The following MEI4 variants were observed in gnomAD, a reference collection of about 807,000 sequenced individuals.
MEI4 encodes the protein meiosis-specific protein MEI4.
Under a neutral mutation model 31.4 loss-of-function variants are expected in MEI4, and 27 were observed. The observed-to-expected ratio is 0.86, with a 90% CI of 0.63 to 1.19. The LOEUF (loss-of-function observed/expected upper bound fraction) is 1.19, where lower values mean the gene tolerates loss of function less well. Among genes scored for constraint, MEI4 ranks in the 50% most tolerant of loss-of-function variants. The pLI is 0.00. For synonymous variants in MEI4, 122 were observed against 145.4 expected, an observed-to-expected ratio of 0.84 and a Z score of 1.16; for missense variants, 329 against 398.9, an observed-to-expected ratio of 0.82 and a Z score of 1.49.
chr6:77,865,799 C>A (rs1452639522), intron 4 of MEI4, among the ~76,000 whole-genome samples: 3 of 151,996 alleles, frequency 2.0e-5, no homozygotes, highest in African/African-American at 7.2e-5. Flanking sequence ...TAGACCAATA[C>A]CCCTGATGAA....
intron 4 of MEI4, among the ~76,000 whole-genome samples, chr6:77,888,653 T>C (rs1009767566): frequency 6.6e-6 from 1 of 152,172 alleles, no homozygotes; most frequent in African/African-American, 2.4e-5. Flanking sequence ...TTTGAATATA[T>C]TATCCCATTC....
At chr6:77,679,886 A>T (rs890106022) in intron 1 of MEI4, among the ~76,000 whole-genome samples, 1 of 151,000 alleles carries the variant, frequency 6.6e-6, no homozygotes, top group South Asian at 2.1e-4. Context: ...GATTACAGGT[A>T]TGCGCCACCA....
At chr6:77,716,990 G>C (rs1766597129) in intron 2 of MEI4, 1 of 205,630 alleles carries the variant, frequency 4.9e-6, no homozygotes, top group African/African-American at 2.4e-5. Flanking sequence ...TTTCTCGTAA[G>C]GTGGGACGAG....
At chr6:77,689,163 T>C (rs1055471571) in intron 1 of MEI4, among the ~76,000 whole-genome samples, 5 of 152,006 alleles carry the variant, frequency 3.3e-5, no homozygotes, top group Non-Finnish European at 7.4e-5. Flanking sequence ...AGTTATACTT[T>C]CTATTTACTT....
chr6:77,885,045 A>G (rs191378454), intron 4 of MEI4, among the ~76,000 whole-genome samples: 1 of 151,694 alleles, frequency 6.6e-6, no homozygotes, highest in Non-Finnish European at 1.5e-5. Flanking sequence ...GAAGTTTGTA[A>G]TTTTCCTTAC....
chr6:77,762,833 A>G (rs1204181757), intron 3 of MEI4, among the ~76,000 whole-genome samples: 1 of 152,204 alleles, frequency 6.6e-6, no homozygotes, highest in Non-Finnish European at 1.5e-5. Flanking sequence ...TCTTTTGGAC[A>G]TGGTCAATCA....
intron 4 of MEI4, among the ~76,000 whole-genome samples, chr6:77,853,958 A>C (rs542353676): frequency 9.9e-5 from 15 of 152,216 alleles, no homozygotes; most frequent in Non-Finnish European, 2.1e-4. Context: ...TTTTCTTGAC[A>C]GTTATGAATC....
chr6:77,802,614 G>C (rs933368577), intron 3 of MEI4, among the ~76,000 whole-genome samples: 1 of 152,166 alleles, frequency 6.6e-6, no homozygotes, highest in Admixed American at 6.5e-5. Context: ...GGCACCAGTT[G>C]TTCCTTTCCA....
chr6:77,756,563 T>G (rs1202160950), intron 2 of MEI4, among the ~76,000 whole-genome samples: 1 of 152,026 alleles, frequency 6.6e-6, no homozygotes, highest in Non-Finnish European at 1.5e-5. Context: ...TTTAAATAAT[T>G]ATTGCAATAG....
rs1022361636 is a variant in MEI4 at position 77,926,707 on chromosome 6, C to G, written c.*3361C>G. On this transcript the variant is annotated 3_prime_UTR_variant, in exon 5 of 5. Transcript: ENST00000684080. ...CATTTATTCATCAAATATGAAGCAC[C>G]AATTGTCTACAAACCAATTATTTGC... 6.6e-6 allele frequency: 1 copy of G among 151,792 alleles called. No individual in the cohort carries two copies. The highest frequency in any genetic ancestry group is 2.4e-5 in the African/African-American group (1 of 41,362). 9.4% of individuals were successfully genotyped at this position (151,792 alleles called of 1,614,324 possible). A position where few individuals can be genotyped will look rare whatever the true frequency, so the allele number is the denominator to read the frequency against.
At chr6:77,909,835 T>A (rs528538562) in intron 4 of MEI4, among the ~76,000 whole-genome samples, 1 of 152,000 alleles carries the variant, frequency 6.6e-6, no homozygotes, top group South Asian at 2.1e-4. Flanking sequence ...CCGAATCCAG[T>A]AGTACATCAA....
intron 1 of MEI4, among the ~76,000 whole-genome samples, chr6:77,678,159 C>T (rs1312784632): frequency 6.6e-6 from 1 of 152,154 alleles, no homozygotes; most frequent in African/African-American, 2.4e-5. Flanking sequence ...CAGTAAAACA[C>T]CCCTTTCATT....
chr6:77,758,911 A>G (rs1193188150), intron 2 of MEI4, among the ~76,000 whole-genome samples: 1 of 152,050 alleles, frequency 6.6e-6, no homozygotes, highest in Non-Finnish European at 1.5e-5. Context: ...TACTTTCTTC[A>G]CTTACTTCCA....
chr6:77,664,015 T>C (rs954212665), intron 1 of MEI4, among the ~76,000 whole-genome samples: 23 of 152,182 alleles, frequency 1.5e-4, no homozygotes, highest in African/African-American at 5.3e-4. Context: ...TTCCGGCACA[T>C]GTAGCAAGCT....
intron 4 of MEI4, among the ~76,000 whole-genome samples, chr6:77,842,642 G>C (rs758630436): frequency 1.3e-5 from 2 of 151,984 alleles, no homozygotes; most frequent in Non-Finnish European, 2.9e-5. Context: ...TTGGTAATTT[G>C]TATCTTTCCC....
At chr6:77,762,178 A>C (rs1182406613) in intron 3 of MEI4, among the ~76,000 whole-genome samples, 1 of 152,144 alleles carries the variant, frequency 6.6e-6, no homozygotes, top group African/African-American at 2.4e-5. Flanking sequence ...GTAAGTGATA[A>C]ATGCCCCATG....
upstream of MEI4, among the ~76,000 whole-genome samples, chr6:77,650,554 C>T (rs1022104875): frequency 4.6e-5 from 7 of 152,194 alleles, no homozygotes; most frequent in African/African-American, 1.7e-4. Context: ...AGGGCGCCCT[C>T]CCCCGCTACA....
intron 1 of MEI4, among the ~76,000 whole-genome samples, chr6:77,671,747 G>A (rs534969186): frequency 4.6e-5 from 7 of 152,222 alleles, no homozygotes; most frequent in African/African-American, 1.7e-4. Flanking sequence ...TATGGTTTTG[G>A]GAGCTGGTAG....
At chr6:77,881,832 ATTT>A (rs1771498271) in intron 4 of MEI4, among the ~76,000 whole-genome samples, 3 of 148,896 alleles carry the variant, frequency 2.0e-5, no homozygotes, top group African/African-American at 7.8e-5. Context: ...TGTGAAATTT[ATTT>A]TATATTTTTT....
Sources: allele counts gnomAD v4.1 joint callset (sites outside exome capture counted in the v4.1 genomes callset), GRCh38; gene constraint gnomAD v4.1.1; transcripts MANE v1.5; gene names NCBI Gene and HGNC (gene_info 2026-07-23, HGNC 2026-07-21).